NTRK2: variants seen among roughly 807,000 people sequenced by gnomAD.
NTRK2 encodes neurotrophic receptor tyrosine kinase 2, also known as BDNF/NT-3 growth factors receptor.
A neutral mutation model predicts 94.5 loss-of-function variants in NTRK2; 13 were observed. That is an observed-to-expected ratio of 0.14 (90% CI 0.09 to 0.22). NTRK2 has a LOEUF of 0.22. Ranked by LOEUF, NTRK2 falls within the 10% of genes least tolerant of loss-of-function variation. The pLI is 1.00. For missense variants in NTRK2, 639 were observed against 1,071.2 expected, an observed-to-expected ratio of 0.60 and a Z score of 5.63; for synonymous variants, 372 against 407.4, an observed-to-expected ratio of 0.91 and a Z score of 1.05.
At chr9:84,720,096 G>C (rs1250143501) in intron 6 of NTRK2, among the ~76,000 whole-genome samples, 1 of 151,154 alleles carries the variant, frequency 6.6e-6, no homozygotes, top group African/African-American at 2.4e-5. Context: ...GCAGATGGTT[G>C]AGTAGTAACT....
chr9:84,752,236 C>T, intron 12 of NTRK2, 151 bp downstream of exon 12: 1 of 700,554 alleles, frequency 1.4e-6, no homozygotes, highest in Non-Finnish European at 2.6e-6. Flanking sequence ...TACTACAAAT[C>T]AAGACGGAGC....
At chr9:84,795,462 G>A (rs2069201188) in intron 12 of NTRK2, among the ~76,000 whole-genome samples, 1 of 152,142 alleles carries the variant, frequency 6.6e-6, no homozygotes, top group Admixed American at 6.5e-5. Flanking sequence ...GCTGAGTGAG[G>A]TCCCTGCACA....
intron 14 of NTRK2, among the ~76,000 whole-genome samples, chr9:84,926,169 C>CTTTCTTTCTTTCTTTCTTT (rs2077789303): frequency 5.2e-5 from 2 of 38,564 alleles, no homozygotes; most frequent in Admixed American, 3.1e-4. Context: ...TTCCTTCCTT[C>CTTTCTTTCTTTCTTTCTTT]CTTTCTTTCT....
At chr9:84,695,346 G>A (rs2060312748) in intron 2 of NTRK2, among the ~76,000 whole-genome samples, 1 of 152,198 alleles carries the variant, frequency 6.6e-6, no homozygotes. Context: ...CTTGTTGCTT[G>A]AAGAGATTAC....
intron 12 of NTRK2, among the ~76,000 whole-genome samples, chr9:84,792,041 G>T (rs1838159): frequency 0.68 from 102,652 of 152,046 alleles, 34,783 homozygotes; most frequent in East Asian, 0.73. Context: ...CATGGAATGT[G>T]AAAGAAAATC....
At chr9:84,716,254 C>T (rs2061703245) in intron 6 of NTRK2, among the ~76,000 whole-genome samples, 1 of 152,234 alleles carries the variant, frequency 6.6e-6, no homozygotes, top group East Asian at 1.9e-4. Flanking sequence ...CTTTTCCAAC[C>T]TTCCAACTTT....
At chr9:84,812,599 G>A in intron 12 of NTRK2, 1 of 1,046,812 alleles carries the variant, frequency 9.6e-7, no homozygotes, top group Non-Finnish European at 1.2e-6. Context: ...AAAGAGAGAT[G>A]AAATTCAAGC....
chr9:84,790,349 T>G (rs929638931), intron 12 of NTRK2, among the ~76,000 whole-genome samples: 3 of 152,198 alleles, frequency 2.0e-5, no homozygotes, highest in African/African-American at 7.2e-5. Context: ...TGTCTGGCTG[T>G]TCTAAGCAGT....
chr9:84,739,346 C>T (rs527626693), intron 9 of NTRK2, among the ~76,000 whole-genome samples: 1 of 152,334 alleles, frequency 6.6e-6, no homozygotes, highest in South Asian at 2.1e-4. Context: ...TCACCACCCC[C>T]GGCCCTGGCC....
intron 12 of NTRK2, among the ~76,000 whole-genome samples, chr9:84,754,839 T>C (rs537011159): frequency 2.0e-5 from 3 of 152,332 alleles, no homozygotes; most frequent in East Asian, 1.9e-4. Context: ...AGCTCACCCA[T>C]AGGCACTCAC....
chr9:84,831,227 A>C (rs1273646281), intron 12 of NTRK2, among the ~76,000 whole-genome samples: 3 of 152,206 alleles, frequency 2.0e-5, no homozygotes, highest in African/African-American at 7.2e-5. Flanking sequence ...TGAGGTTTTG[A>C]TATTAAGACC....
At chr9:84,986,167 T>G (rs1384121617) in intron 17 of NTRK2, among the ~76,000 whole-genome samples, 5 of 152,116 alleles carry the variant, frequency 3.3e-5, no homozygotes, top group Non-Finnish European at 7.4e-5. Context: ...CCAAACCGTG[T>G]GATGTTGTGA....
At chr9:84,926,169 C>CCTTGCTTT (rs2077790007) in intron 14 of NTRK2, among the ~76,000 whole-genome samples, 3 of 38,514 alleles carry the variant, frequency 7.8e-5, no homozygotes, top group African/African-American at 2.8e-4. Flanking sequence ...TTCCTTCCTT[C>CCTTGCTTT]CTTTCTTTCT....
At chr9:84,877,640 G>C in intron 14 of NTRK2, 21 of 1,065,192 alleles carry the variant, frequency 2.0e-5, no homozygotes, top group Non-Finnish European at 2.4e-5. Flanking sequence ...GGGTTCTGTT[G>C]ATTGCTAAAT....
intron 2 of NTRK2, among the ~76,000 whole-genome samples, chr9:84,682,693 C>T (rs898889263): frequency 3.3e-5 from 5 of 152,084 alleles, no homozygotes; most frequent in East Asian, 3.8e-4. Context: ...TATTTTGTGT[C>T]GGTCCCCTTT....
At chr9:84,884,600 T>C (rs554876116) in intron 14 of NTRK2, among the ~76,000 whole-genome samples, 1 of 152,132 alleles carries the variant, frequency 6.6e-6, no homozygotes, top group East Asian at 1.9e-4. Flanking sequence ...GAAGGCTGTG[T>C]CTCCACTGGC....
chr9:84,845,256 C>T (rs984186903), intron 12 of NTRK2, among the ~76,000 whole-genome samples: 5 of 146,028 alleles, frequency 3.4e-5, no homozygotes, highest in Non-Finnish European at 6.1e-5. Flanking sequence ...TGTATACACA[C>T]ACACACACAC....
intron 14 of NTRK2, among the ~76,000 whole-genome samples, chr9:84,886,797 G>A (rs2076428701): frequency 1.3e-5 from 2 of 152,232 alleles, no homozygotes; most frequent in South Asian, 4.1e-4. Flanking sequence ...TGTTTTCTGG[G>A]CCACCAAATA....
At chr9:84,916,355 T>C (rs1363647011) in intron 14 of NTRK2, among the ~76,000 whole-genome samples, 1 of 152,050 alleles carries the variant, frequency 6.6e-6, no homozygotes, top group African/African-American at 2.4e-5. Flanking sequence ...TAGAGGAAAA[T>C]GTTAGTCAAC....
Sources: allele counts gnomAD v4.1 joint callset (sites outside exome capture counted in the v4.1 genomes callset), GRCh38; gene constraint gnomAD v4.1.1; transcripts MANE v1.5; gene names NCBI Gene and HGNC (gene_info 2026-07-23, HGNC 2026-07-21).